ADAMTSL1: variants seen among roughly 807,000 people sequenced by gnomAD.
ADAMTSL1 encodes the protein ADAMTS like 1, also known as ADAMTS-like protein 1.
In ADAMTSL1, 126 loss-of-function variants were observed where a neutral mutation model predicts 201.8. That is an observed-to-expected ratio of 0.62 (90% CI 0.54 to 0.72). ADAMTSL1 has a LOEUF of 0.72. ADAMTSL1 is among the 30% of genes least tolerant of loss of function. The pLI is 0.00. For missense variants in ADAMTSL1, 2,679 were observed against 2,277.8 expected (o/e 1.18, Z -3.59); for synonymous variants, 1,121 against 903.4 (o/e 1.24, Z -4.32).
intron 3 of ADAMTSL1, among the ~76,000 whole-genome samples, chr9:18,560,731 C>A (rs568953673): frequency 3.3e-5 from 5 of 151,708 alleles, no homozygotes; most frequent in African/African-American, 1.2e-4. Context: ...CTGGTTTAGT[C>A]TTGGGAGGGT....
chr9:18,891,762 G>A (rs933825813), intron 25 of ADAMTSL1, among the ~76,000 whole-genome samples: 1 of 152,190 alleles, frequency 6.6e-6, no homozygotes, highest in Non-Finnish European at 1.5e-5. Flanking sequence ...CTTCAGTGAG[G>A]CCCAGATTAC....
intron 4 of ADAMTSL1, among the ~76,000 whole-genome samples, chr9:18,609,425 A>C (rs920219458): frequency 1.0e-4 from 15 of 149,326 alleles, no homozygotes; most frequent in African/African-American, 3.7e-4. Context: ...AGCAGGGTAG[A>C]GGGAAGTTAA....
intron 1 of ADAMTSL1, among the ~76,000 whole-genome samples, chr9:17,916,432 A>G (rs1826096710): frequency 6.6e-6 from 1 of 152,134 alleles, no homozygotes; most frequent in Non-Finnish European, 1.5e-5. Context: ...GTCTTCTAGA[A>G]GTTTTATAGT....
In ADAMTSL1 at chr9:18,245,125, T is replaced by C. The variant is rs187697419; in HGVS notation, c.207+81144T>C. On this transcript the variant is annotated intron_variant, in intron 2 of 29. Transcript: ENST00000680146. ...GGTGTTAGATCAGGGAATTCCTACCTCATTATATCAGGGATGCAAACAAAG... is the reference window on the plus strand; with the variant it reads ...GGTGTTAGATCAGGGAATTCCTACCCCATTATATCAGGGATGCAAACAAAG... Among the ~76,000 whole-genome samples, 228 of 152,244 alleles carry C rather than the reference T, an allele frequency of 1.5e-3. 1 individual carries two copies. The highest frequency in any genetic ancestry group is 2.7e-3 in the Admixed American group (42 of 15,288).
At chr9:18,369,657 A>G (rs1466108497) in intron 2 of ADAMTSL1, among the ~76,000 whole-genome samples, 1 of 152,182 alleles carries the variant, frequency 6.6e-6, no homozygotes. Flanking sequence ...AAATTATTGT[A>G]TCAAAAAGAT....
In ADAMTSL1 at chr9:18,761,687, G is replaced by A. The variant is rs188165279; in HGVS notation, c.2217+8179G>A. Among the ~76,000 whole-genome samples, 888 of 152,110 alleles carry A rather than the reference G, an allele frequency of 5.8e-3. 5 individuals are homozygous for A. The highest frequency in any genetic ancestry group is 0.023 in the South Asian group (111 of 4,800). ...TTGCATAAGAACTGTTGGCCTCACC[G>A]GGTCATCTTAGCACATTCACAAAGT... On this transcript the variant is annotated intron_variant, in intron 16 of 28. Coordinates refer to ENST00000380548, the MANE Select transcript of ADAMTSL1 (RefSeq NM_001040272.6).
intron 1 of ADAMTSL1, among the ~76,000 whole-genome samples, chr9:18,158,398 C>T (rs1253007097): frequency 2.0e-5 from 3 of 151,852 alleles, no homozygotes; most frequent in African/African-American, 4.8e-5. Context: ...TATCTTGCTA[C>T]AGTTGAATAT....
At chr9:18,645,001 C>A (rs573943068) in intron 7 of ADAMTSL1, among the ~76,000 whole-genome samples, 9 of 152,182 alleles carry the variant, frequency 5.9e-5, no homozygotes, top group Admixed American at 2.0e-4. Flanking sequence ...TACAGTCCCA[C>A]CAACAGTGTA....
At chr9:18,062,472 A>G (rs939790685) in intron 1 of ADAMTSL1, among the ~76,000 whole-genome samples, 1 of 152,182 alleles carries the variant, frequency 6.6e-6, no homozygotes, top group East Asian at 1.9e-4. Flanking sequence ...TTATACAATA[A>G]TCAATTATCC....
chr9:18,082,923 C>G (rs890986028), intron 1 of ADAMTSL1, among the ~76,000 whole-genome samples: 69 of 152,126 alleles, frequency 4.5e-4, no homozygotes, highest in African/African-American at 1.6e-3. Flanking sequence ...GAAGTCAAAA[C>G]GATTGTAACA....
rs989387497 is a variant in ADAMTSL1 at position 18,302,182 on chromosome 9, G to C, written c.207+138201G>C. On this transcript the variant is annotated intron_variant, in intron 2 of 29. Coordinates refer to the ADAMTSL1 transcript ENST00000680146. Reference sequence around the variant, plus strand: ...CAACAATTCTTTATGCCAGAGTGTAGGATAGAATTTGGGAAAGGAAGAGGG... The same window carrying C: ...CAACAATTCTTTATGCCAGAGTGTACGATAGAATTTGGGAAAGGAAGAGGG... 3.9e-5 allele frequency among the ~76,000 whole-genome samples: 6 copies of C among 152,250 alleles called. No homozygotes were observed. The South Asian group carries it at 8.3e-4, about 21-fold the overall frequency.
intron 15 of ADAMTSL1, among the ~76,000 whole-genome samples, chr9:18,749,674 C>T (rs1265672459): frequency 2.0e-5 from 3 of 152,238 alleles, no homozygotes; most frequent in Non-Finnish European, 4.4e-5. Context: ...CCCAGCAAGA[C>T]CCAGGCCCAC....
intron 2 of ADAMTSL1, among the ~76,000 whole-genome samples, chr9:18,315,627 G>T (rs553698058): frequency 1.3e-3 from 203 of 152,232 alleles, no homozygotes; most frequent in African/African-American, 4.6e-3. Flanking sequence ...CTCTGAGTGC[G>T]GGGCCCACCG....
chr9:18,504,388 G>T (rs1015778466), intron 1 of ADAMTSL1, among the ~76,000 whole-genome samples: 3 of 152,146 alleles, frequency 2.0e-5, no homozygotes, highest in Admixed American at 1.3e-4. Flanking sequence ...ATTGTCGATG[G>T]TATAAAATAT....
chr9:18,219,268 G>T (rs1009841674), intron 2 of ADAMTSL1, among the ~76,000 whole-genome samples: 1 of 151,772 alleles, frequency 6.6e-6, no homozygotes, highest in South Asian at 2.1e-4. Flanking sequence ...GGGCCTTATA[G>T]ATTATACGGA....
intron 3 of ADAMTSL1, among the ~76,000 whole-genome samples, chr9:18,535,955 A>G (rs773627576): frequency 6.6e-6 from 1 of 152,166 alleles, no homozygotes; most frequent in Non-Finnish European, 1.5e-5. Context: ...CAGCCAAATC[A>G]TATCAGACTC....
intron 23 of ADAMTSL1, among the ~76,000 whole-genome samples, chr9:18,840,600 G>A (rs921972062): frequency 1.3e-5 from 2 of 152,130 alleles, no homozygotes; most frequent in African/African-American, 4.8e-5. Context: ...GATGGGGATG[G>A]CATTGAATCT....
At chr9:18,602,831 T>A (rs992032219) in intron 4 of ADAMTSL1, among the ~76,000 whole-genome samples, 57 of 152,182 alleles carry the variant, frequency 3.7e-4, no homozygotes, top group African/African-American at 1.3e-3. Flanking sequence ...TGAAGTTAAG[T>A]AGGTCGGACA....
intron 2 of ADAMTSL1, among the ~76,000 whole-genome samples, chr9:18,298,249 C>G (rs1374525926): frequency 2.0e-5 from 3 of 152,026 alleles, no homozygotes; most frequent in South Asian, 2.1e-4. Context: ...AAAGGAGTGA[C>G]AAGATACCAA....
Sources: allele counts gnomAD v4.1 joint callset (sites outside exome capture counted in the v4.1 genomes callset), GRCh38; gene constraint gnomAD v4.1.1; transcripts MANE v1.5; gene names NCBI Gene and HGNC (gene_info 2026-07-23, HGNC 2026-07-21).